SNED1: variants seen among roughly 807,000 people sequenced by gnomAD.
SNED1 encodes sushi, nidogen and EGF-like domain-containing protein 1.
In SNED1, 81 loss-of-function variants were observed where a neutral mutation model predicts 166.7. That is an observed-to-expected ratio of 0.49 (90% CI 0.41 to 0.58). The LOEUF (loss-of-function observed/expected upper bound fraction) is 0.58, where lower values mean the gene tolerates loss of function less well. SNED1 is among the 20% of genes least tolerant of loss of function. The pLI is 0.00. For synonymous variants in SNED1, 762 were observed against 822.0 expected, an observed-to-expected ratio of 0.93 and a Z score of 1.25; for missense variants, 1,604 against 2,000.2, an observed-to-expected ratio of 0.80 and a Z score of 3.78.
intron 30 of SNED1, chr2:241,087,704 G>C (rs2063656739): frequency 5.9e-6 from 8 of 1,362,318 alleles, no homozygotes; most frequent in Non-Finnish European, 7.5e-6. Context: ...GTGCTGGGGG[G>C]GGTCACTCTG....
At position 241,087,609 on chromosome 2, in the gene SNED1, C is replaced by T. The variant is rs534868158; in HGVS notation, c.4205+134C>T. On this transcript the variant is annotated intron_variant, in intron 30 of 31. Transcript: ENST00000310397. ...GTCTACTCGCCCAGATAGGCAGCCC[C>T]TGGGCAGCCACGTTCTGCTACGAAA... 16 of 1,446,118 alleles carry T rather than the reference C, an allele frequency of 1.1e-5. No individual in the cohort carries two copies. In the East Asian group the frequency reaches 4.1e-4, roughly 37 times the overall value. The allele number at this position is 1,446,118 out of a possible 1,614,324, so 89.6% of individuals were successfully genotyped here. A position where few individuals can be genotyped will look rare whatever the true frequency, so the allele number is the denominator to read the frequency against.
chr2:241,050,710 C>T (rs1388103415), intron 12 of SNED1, among the ~76,000 whole-genome samples: 1 of 152,200 alleles, frequency 6.6e-6, no homozygotes, highest in Non-Finnish European at 1.5e-5. Flanking sequence ...CTGACGAGGT[C>T]TTTGTCTCTC....
chr2:241,079,991 C>A (rs1267994031), intron 27 of SNED1, among the ~76,000 whole-genome samples: 1 of 152,050 alleles, frequency 6.6e-6, no homozygotes, highest in Non-Finnish European at 1.5e-5. Flanking sequence ...AGTTAAAAAT[C>A]TTGTTTGTTT....
chr2:241,068,691 C>T lies in SNED1; in HGVS notation c.3195-220C>T, dbSNP rs1026329370. Reference sequence around the variant, plus strand: ...ATACTGTAGCAGCCCCAAGCGCACCCGATCCTCCTCCGCTGCCCGGACTAT... The same window carrying T: ...ATACTGTAGCAGCCCCAAGCGCACCTGATCCTCCTCCGCTGCCCGGACTAT... On this transcript the variant is annotated intron_variant, in intron 22 of 31. Transcript: ENST00000310397. This position sits in a 1 kb window ranked among gnomAD's most constrained non-coding sequence, Gnocchi z 5.3. 2.6e-5 allele frequency among the ~76,000 whole-genome samples: 4 copies of T among 152,158 alleles called. No homozygotes were observed. Among genetic ancestry groups the T allele is most frequent in the African/African-American group, 9.7e-5 (4 of 41,444 alleles).
intron 1 of SNED1, among the ~76,000 whole-genome samples, chr2:241,014,733 T>C (rs2060526257): frequency 6.6e-6 from 1 of 152,172 alleles, no homozygotes; most frequent in Admixed American, 6.5e-5. Flanking sequence ...ATAGAAGGTG[T>C]TAATTTTACT....
In SNED1 at chr2:241,071,620, C is replaced by T. The variant is rs935662728; in HGVS notation, c.3634C>T (p.His1212Tyr). The change falls in exon 25 of 32, where the codon CAC (histidine) becomes TAC (tyrosine). Residue 1212 changes from histidine (H) to tyrosine (Y), a missense_variant. By Grantham distance (83) the His-to-Tyr change is moderately conservative (BLOSUM62 2). Coordinates refer to ENST00000310397, the MANE Select transcript of SNED1 (RefSeq NM_001080437.3). ...ADRRWHQGGH[H>Y]PRVLKNRPPP... ...CAGACGCTGGCACCAGGGAGGACACCACCCTCGGGTGCTCAAGAACAGACC... is the reference window on the plus strand; with the variant it reads ...CAGACGCTGGCACCAGGGAGGACACTACCCTCGGGTGCTCAAGAACAGACC... 6.3e-7 allele frequency: 1 copy of T among 1,586,820 alleles called. No individual in the cohort carries two copies. The highest frequency in any genetic ancestry group is 1.7e-5 in the Admixed American group (1 of 58,186).
Position 241,069,812 on chromosome 2 carries a change from C to A in SNED1, c.3308-108C>A. 7.8e-7 allele frequency: 1 copy of A among 1,285,912 alleles called. No individual in the cohort carries two copies. Among genetic ancestry groups the A allele is most frequent in the South Asian group, 1.4e-5 (1 of 71,970 alleles). The allele number at this position is 1,285,912 out of a possible 1,614,324, so 79.7% of individuals were successfully genotyped here. On this transcript the variant is annotated intron_variant, in intron 23 of 31. Coordinates refer to ENST00000310397, the MANE Select transcript of SNED1 (RefSeq NM_001080437.3). The surrounding 1 kb of genome is among the most constrained non-coding windows in gnomAD (Gnocchi z 4.9). ...TGTACCATTCTCCATAATAAAGAAT[C>A]TGGCTTCCAGCAAGGCTGCGGCAGC... is the stretch of plus-strand genomic sequence containing the variant.
upstream of SNED1, among the ~76,000 whole-genome samples, chr2:240,998,481 C>G (rs890933323): frequency 2.0e-5 from 3 of 152,194 alleles, no homozygotes; most frequent in Non-Finnish European, 2.9e-5. Context: ...TGTGCCCACG[C>G]CAGGGGACTG....
intron 6 of SNED1, 121 bp downstream of exon 6, chr2:241,037,474 C>G (rs2061410513): frequency 1.5e-6 from 1 of 681,258 alleles, no homozygotes; most frequent in African/African-American, 1.8e-5. Flanking sequence ...GGTAGACAGC[C>G]CAGAGAAGCC....
intron 1 of SNED1, among the ~76,000 whole-genome samples, chr2:241,012,271 C>T (rs565710550): frequency 7.9e-5 from 12 of 152,358 alleles, no homozygotes; most frequent in African/African-American, 2.4e-4. Context: ...TCACTTCTAA[C>T]CCTTAGCTCT....
At chr2:241,044,510 C>T (rs1313137709) in intron 8 of SNED1, among the ~76,000 whole-genome samples, 3 of 152,172 alleles carry the variant, frequency 2.0e-5, no homozygotes, top group Admixed American at 6.5e-5. Flanking sequence ...GACCAAGCTT[C>T]GAAGTACCAC....
chr2:241,048,464 C>A, intron 9 of SNED1, 24 bp downstream of exon 9: 1 of 1,577,944 alleles, frequency 6.3e-7, no homozygotes, highest in African/African-American at 1.4e-5. Flanking sequence ...GCAAGGGCTG[C>A]CGTTTTAGGG....
chr2:241,052,385 T>G lies in SNED1; in HGVS notation c.2000T>G (p.Val667Gly), dbSNP rs1468785539. 6.3e-7 allele frequency: 1 copy of G among 1,590,098 alleles called. No homozygotes were observed. The highest frequency in any genetic ancestry group is 8.6e-7 in the Non-Finnish European group (1 of 1,167,466). Residue 667 changes from valine to glycine, a missense_variant, in exon 15 of 32, where the codon GTG becomes GGG. By Grantham distance (109) the Val-to-Gly change is moderately radical. Around this residue, in one of 2 missense-constraint regions of SNED1, gnomAD observed 1,237 missense variants for 1,620.8 expected, o/e 0.76. Coordinates refer to ENST00000310397, the MANE Select transcript of SNED1 (RefSeq NM_001080437.3). ...TCCCCCTGCTTCCGGAGCCCGTGTG[T>G]GAATGGGGGCACCTGCGAGGACCGG... ...APSPCFRSPC[V>G]NGGTCEDRDT...
chr2:241,034,550 CCCCCA>C lies in SNED1; in HGVS notation c.643-8_643-4del. ...TGGGGAACTGGCCTCCCTCACTCTG[CCCCCA>C]CCCCACCCCCAGGCTGGCTTCAACG... On this transcript the variant is annotated splice_polypyrimidine_tract_variant and intron_variant, in intron 3 of 31. Coordinates refer to ENST00000310397, the MANE Select transcript of SNED1 (RefSeq NM_001080437.3). 6.4e-7 allele frequency: 1 copy of C among 1,572,060 alleles called. No homozygotes were observed. The highest frequency in any genetic ancestry group is 8.7e-7 in the Non-Finnish European group (1 of 1,154,682).
Position 241,013,375 on chromosome 2 carries a change from A to AG in SNED1, c.213+14326dup. On this transcript the variant is annotated intron_variant, in intron 1 of 31. Coordinates refer to ENST00000310397, the MANE Select transcript of SNED1 (RefSeq NM_001080437.3). The surrounding 1 kb of genome is among the most constrained non-coding windows in gnomAD (Gnocchi z 4.6). ...GGCTGGAGTGCAGTGGCCTGAGCCT[A>AG]GCTCACTGTAACCTCGAACTCATGG... is the stretch of plus-strand genomic sequence containing the variant. 6.6e-6 allele frequency among the ~76,000 whole-genome samples: 1 copy of AG among 152,130 alleles called. No individual in the cohort carries two copies. The highest frequency in any genetic ancestry group is 1.5e-5 in the Non-Finnish European group (1 of 68,000).
chr2:241,031,452 A>T (rs1465991140), intron 2 of SNED1, among the ~76,000 whole-genome samples: 1 of 152,214 alleles, frequency 6.6e-6, no homozygotes, highest in African/African-American at 2.4e-5. Context: ...AGCACCTTCC[A>T]AGTGACAGGC....
chr2:241,056,580 A>ATTTTTTTTTTTTTTTTTTT (rs1172411061), intron 16 of SNED1, among the ~76,000 whole-genome samples: 2 of 111,224 alleles, frequency 1.8e-5, no homozygotes, highest in African/African-American at 3.9e-5. Flanking sequence ...AATAAGTGAA[A>ATTTTTTTTTTTTTTTTTTT]TTTTTTTTTT....
intron 31 of SNED1, chr2:241,089,957 A>T (rs570026105): frequency 2.9e-4 from 455 of 1,545,606 alleles, no homozygotes; most frequent in Non-Finnish European, 3.7e-4. Context: ...AAAAATAGAT[A>T]TAAAAGATAA....
At position 241,052,054 on chromosome 2, in the gene SNED1, G is replaced by C. The variant is rs189114231; in HGVS notation, c.1866G>C (p.Ser622=). The C allele has an allele frequency of 1.9e-6, 3 of 1,613,592 alleles. No individual in the cohort carries two copies. Among genetic ancestry groups the C allele is most frequent in the Admixed American group, 1.7e-5 (1 of 60,002 alleles). Residue 622 remains serine, a synonymous_variant, in exon 14 of 32, where the codon TCG becomes TCC. Coordinates refer to ENST00000310397, the MANE Select transcript of SNED1 (RefSeq NM_001080437.3). ...TTCTGTTTCCAGGGAAGCCAGACTC[G>C]TGTGCCTCTGGCCCCTGTCACAACG... ...GRHCEIGKPD[S]CASGPCHNGG...
Sources: allele counts gnomAD v4.1 joint callset (sites outside exome capture counted in the v4.1 genomes callset), GRCh38; gene constraint gnomAD v4.1.1; regional missense constraint gnomAD v4.1.1; non-coding constraint Gnocchi (gnomAD v3.1); transcripts MANE v1.5; gene names NCBI Gene and HGNC (gene_info 2026-07-23, HGNC 2026-07-21).